SRPK2: variants seen among roughly 807,000 people sequenced by gnomAD.
The protein encoded by SRPK2 is SRSF protein kinase 2.
In SRPK2, 21 loss-of-function variants were observed where a neutral mutation model predicts 90.8. That is an observed-to-expected ratio of 0.23 (90% CI 0.16 to 0.33). SRPK2 has a LOEUF of 0.33. Ranked by LOEUF, SRPK2 falls within the 10% of genes least tolerant of loss-of-function variation. The pLI is 1.00. For synonymous variants in SRPK2, 288 were observed against 311.1 expected (o/e 0.93, Z 0.78); for missense variants, 620 against 869.0 (o/e 0.71, Z 3.60).
At chr7:105,345,006 G>C (rs1280574243) in intron 2 of SRPK2, among the ~76,000 whole-genome samples, 1 of 151,998 alleles carries the variant, frequency 6.6e-6, no homozygotes, top group Non-Finnish European at 1.5e-5. Context: ...GGTGATGGCA[G>C]CAGCCTGTAA....
At chr7:105,387,996 C>T (rs1821829070) in intron 2 of SRPK2, among the ~76,000 whole-genome samples, 1 of 152,108 alleles carries the variant, frequency 6.6e-6, no homozygotes, top group Non-Finnish European at 1.5e-5. Context: ...CCGCAGCGCA[C>T]CCAAGTCACG....
At chr7:105,189,335 C>A in intron 3 of SRPK2, 1 of 158,542 alleles carries the variant, frequency 6.3e-6, no homozygotes, top group South Asian at 1.7e-4. Flanking sequence ...TTGGCAAAGG[C>A]CCTGGCCTAT....
chr7:105,322,280 A>G (rs562708402), intron 2 of SRPK2, among the ~76,000 whole-genome samples: 46 of 152,192 alleles, frequency 3.0e-4, no homozygotes, highest in Admixed American at 1.5e-3. Context: ...AGCCGGGCAT[A>G]GGGGCATGTG....
chr7:105,353,972 G>T (rs779615640), intron 2 of SRPK2, among the ~76,000 whole-genome samples: 3 of 152,168 alleles, frequency 2.0e-5, no homozygotes, highest in Non-Finnish European at 4.4e-5. Flanking sequence ...CACAGACAAG[G>T]AAGCCTGAGC....
chr7:105,247,145 A>G (rs1166922658), intron 2 of SRPK2, among the ~76,000 whole-genome samples: 1 of 152,200 alleles, frequency 6.6e-6, no homozygotes, highest in East Asian at 1.9e-4. Context: ...ACAAGGCCAC[A>G]TAGTAACAAA....
At chr7:105,249,166 A>T (rs898341987) in intron 2 of SRPK2, among the ~76,000 whole-genome samples, 5 of 152,124 alleles carry the variant, frequency 3.3e-5, no homozygotes, top group African/African-American at 1.2e-4. Flanking sequence ...TTGTACATAT[A>T]AACAATGGAC....
chr7:105,293,461 G>A (rs944289109), intron 2 of SRPK2, among the ~76,000 whole-genome samples: 1 of 151,654 alleles, frequency 6.6e-6, no homozygotes, highest in Admixed American at 6.6e-5. Flanking sequence ...TTGTGGGGGG[G>A]TGGGAGACAG....
intron 3 of SRPK2, among the ~76,000 whole-genome samples, chr7:105,195,898 C>T (rs757166843): frequency 2.0e-5 from 3 of 152,212 alleles, no homozygotes; most frequent in Non-Finnish European, 2.9e-5. Flanking sequence ...CAGGTCAAGG[C>T]TCTGCCCTTA....
In SRPK2 at chr7:105,270,449, C is replaced by T. The variant is rs572959837; in HGVS notation, c.72-66664G>A. ...TTTGAGATGGAATTTCACTCGTTGC[C>T]CAGGCTAGAGTGCAATGGCACAATC... On this transcript the variant is annotated intron_variant, in intron 2 of 15. Transcript: ENST00000393651. Among the ~76,000 whole-genome samples, 22 of 151,292 alleles carry T rather than the reference C, an allele frequency of 1.5e-4. No homozygotes were observed. In the South Asian group the frequency reaches 3.7e-3, roughly 26 times the overall value.
intron 2 of SRPK2, among the ~76,000 whole-genome samples, chr7:105,269,734 T>C (rs1372671430): frequency 2.0e-5 from 3 of 152,168 alleles, no homozygotes; most frequent in Non-Finnish European, 2.9e-5. Flanking sequence ...ATCTAACACG[T>C]TTCCTTTAAA....
intron 1 of SRPK2, among the ~76,000 whole-genome samples, chr7:105,396,440 A>T (rs1229612241): frequency 6.6e-6 from 1 of 151,686 alleles, no homozygotes; most frequent in Non-Finnish European, 1.5e-5. Flanking sequence ...GATAGAGAAC[A>T]TCCTGGCTAA....
intron 7 of SRPK2, among the ~76,000 whole-genome samples, chr7:105,158,506 G>A (rs573215273): frequency 6.6e-6 from 1 of 152,274 alleles, no homozygotes; most frequent in South Asian, 2.1e-4. Flanking sequence ...ACCCGCCTTG[G>A]CCGCCCAAAG....
intron 2 of SRPK2, among the ~76,000 whole-genome samples, chr7:105,273,348 C>T (rs1168281122): frequency 6.6e-6 from 1 of 152,088 alleles, no homozygotes; most frequent in Non-Finnish European, 1.5e-5. Context: ...TAAATCTTTT[C>T]GTATACAGTT....
chr7:105,329,936 G>A (rs557581278), intron 2 of SRPK2, among the ~76,000 whole-genome samples: 1 of 152,050 alleles, frequency 6.6e-6, no homozygotes, highest in Non-Finnish European at 1.5e-5. Flanking sequence ...TCGGGAGACT[G>A]AGGCAGGAGA....
intron 2 of SRPK2, among the ~76,000 whole-genome samples, chr7:105,258,269 C>T (rs6968335): frequency 0.44 from 65,374 of 149,794 alleles, 15,492 homozygotes; most frequent in South Asian, 0.54. Context: ...ATACAAAAAT[C>T]AGCCAGGCGT....
At chr7:105,134,260 G>A (rs1444743737) in intron 11 of SRPK2, among the ~76,000 whole-genome samples, 2 of 152,162 alleles carry the variant, frequency 1.3e-5, no homozygotes, top group African/African-American at 4.8e-5. Context: ...GATCATGGGG[G>A]CAGATTTCCA....
At chr7:105,195,889 A>C (rs545182619) in intron 3 of SRPK2, among the ~76,000 whole-genome samples, 3 of 152,352 alleles carry the variant, frequency 2.0e-5, no homozygotes, top group Middle Eastern at 3.4e-3. Flanking sequence ...GAAGCTAGAC[A>C]GGTCAAGGCT....
intron 2 of SRPK2, among the ~76,000 whole-genome samples, chr7:105,231,876 G>C (rs1380144166): frequency 6.6e-6 from 1 of 152,044 alleles, no homozygotes; most frequent in East Asian, 1.9e-4. Context: ...TACTCTTTTG[G>C]TAACAGGGTC....
chr7:105,357,544 G>C (rs12705306), intron 2 of SRPK2, among the ~76,000 whole-genome samples: 1 of 151,720 alleles, frequency 6.6e-6, no homozygotes, highest in African/African-American at 2.4e-5. Flanking sequence ...AGGAGTTCAG[G>C]ACCAGCCTAG....
Sources: gnomAD v4.1 joint callset for allele counts (sites outside exome capture counted in the v4.1 genomes callset) on GRCh38, gnomAD v4.1.1 for gene constraint, MANE v1.5 for transcripts, NCBI Gene and HGNC (gene_info 2026-07-23, HGNC 2026-07-21) for gene names.